Variants in SHISA9 observed in about 807,000 individuals in gnomAD.
The protein encoded by SHISA9 is shisa family member 9, also known as protein shisa-9.
In SHISA9, 13 loss-of-function variants were observed where a neutral mutation model predicts 38.0. The ratio of observed to expected loss-of-function variants is 0.34; its 90% CI spans 0.22 to 0.54. The LOEUF (loss-of-function observed/expected upper bound fraction) is 0.54. Ranked by LOEUF, SHISA9 falls within the 20% of genes least tolerant of loss-of-function variation. The probability of loss-of-function intolerance (pLI) is 0.91; values close to 1 mark genes in which losing one functional copy is unlikely to be tolerated. For missense variants in SHISA9, 538 were observed against 575.8 expected, an observed-to-expected ratio of 0.93 and a Z score of 0.67; for synonymous variants, 275 against 242.0, an observed-to-expected ratio of 1.14 and a Z score of -1.27.
chr16:13,510,978 G>A, the SHISA9 span, among the ~76,000 whole-genome samples: 11 of 152,216 alleles, frequency 7.2e-5, no homozygotes, highest in South Asian at 6.2e-4. Context: ...TGCTTAGGCC[G>A]ATTACCATTT....
chr16:13,333,898 G>T, the SHISA9 span, among the ~76,000 whole-genome samples: 1 of 152,186 alleles, frequency 6.6e-6, no homozygotes, highest in East Asian at 1.9e-4. Context: ...GGATAGCAAA[G>T]ACCTTGCTCT....
chr16:13,337,115 C>A, the SHISA9 span, among the ~76,000 whole-genome samples: 2 of 152,096 alleles, frequency 1.3e-5, no homozygotes, highest in African/African-American at 2.4e-5. Flanking sequence ...AGAGCCCATG[C>A]GCTTTGTCAA....
At chr16:13,434,397 C>T in the SHISA9 span, among the ~76,000 whole-genome samples, 2 of 141,048 alleles carry the variant, frequency 1.4e-5, no homozygotes, top group African/African-American at 2.6e-5. Flanking sequence ...TATTAACCAT[C>T]ACACTGTGTT....
At chr16:13,341,131 G>T in the SHISA9 span, among the ~76,000 whole-genome samples, 1 of 152,152 alleles carries the variant, frequency 6.6e-6, no homozygotes, top group African/African-American at 2.4e-5. Context: ...TGTATCCCCA[G>T]CACCTGGCAC....
At chr16:12,930,361 A>G (rs2141741622) in intron 2 of SHISA9, among the ~76,000 whole-genome samples, 1 of 152,346 alleles carries the variant, frequency 6.6e-6, no homozygotes, top group East Asian at 1.9e-4. Context: ...TGCCAAGTTG[A>G]GTATCAAGAG....
intron 2 of SHISA9, among the ~76,000 whole-genome samples, chr16:13,118,371 A>G (rs990029809): frequency 1.3e-5 from 2 of 152,140 alleles, no homozygotes; most frequent in Non-Finnish European, 2.9e-5. Flanking sequence ...CCTAAAGAGC[A>G]AGGAGGAATT....
intron 2 of SHISA9, among the ~76,000 whole-genome samples, chr16:13,048,312 A>G (rs1168579962): frequency 1.3e-5 from 2 of 152,224 alleles, no homozygotes; most frequent in African/African-American, 4.8e-5. Context: ...AGAACTTCTG[A>G]TCAGCATGAT....
intron 2 of SHISA9, among the ~76,000 whole-genome samples, chr16:13,096,074 G>C (rs1415505188): frequency 6.6e-6 from 1 of 152,184 alleles, no homozygotes; most frequent in South Asian, 2.1e-4. Context: ...GCTTCACTGG[G>C]TATTAGCTGG....
At chr16:12,941,764 T>C (rs1015988635) in intron 2 of SHISA9, among the ~76,000 whole-genome samples, 1 of 151,320 alleles carries the variant, frequency 6.6e-6, no homozygotes, top group East Asian at 1.9e-4. Flanking sequence ...GGCAGAAGAG[T>C]CGCTTGAACC....
At chr16:12,931,242 T>C (rs2071457759) in intron 2 of SHISA9, among the ~76,000 whole-genome samples, 1 of 152,226 alleles carries the variant, frequency 6.6e-6, no homozygotes. Flanking sequence ...GATCTTTGTG[T>C]GTTATTGAAG....
At chr16:12,919,146 A>T (rs773232690) in intron 2 of SHISA9, among the ~76,000 whole-genome samples, 6 of 151,164 alleles carry the variant, frequency 4.0e-5, no homozygotes, top group Non-Finnish European at 8.9e-5. Flanking sequence ...GGGTTTAAGA[A>T]GCCAAGCAGT....
chr16:13,027,963 A>G (rs1274377135), intron 2 of SHISA9, among the ~76,000 whole-genome samples: 1 of 150,182 alleles, frequency 6.7e-6, no homozygotes, highest in Non-Finnish European at 1.5e-5. Context: ...AAGAATGTAT[A>G]CTGAAAGAAG....
At chr16:13,224,722 A>T (rs2051262275) in intron 4 of SHISA9, among the ~76,000 whole-genome samples, 1 of 152,206 alleles carries the variant, frequency 6.6e-6, no homozygotes, top group Admixed American at 6.5e-5. Flanking sequence ...AGCTATGAAC[A>T]TATTAAAATA....
chr16:13,427,085 A>G, the SHISA9 span, among the ~76,000 whole-genome samples: 2 of 152,210 alleles, frequency 1.3e-5, no homozygotes, highest in Admixed American at 1.3e-4. Context: ...AACTTTCCTA[A>G]TTGGTATCTG....
chr16:13,397,582 A>G, the SHISA9 span, among the ~76,000 whole-genome samples: 1 of 152,078 alleles, frequency 6.6e-6, no homozygotes, highest in Non-Finnish European at 1.5e-5. Flanking sequence ...TTACAGGTGC[A>G]CGCCACCACA....
At chr16:13,132,352 A>G (rs1485534994) in intron 2 of SHISA9, among the ~76,000 whole-genome samples, 1 of 150,568 alleles carries the variant, frequency 6.6e-6, no homozygotes, top group East Asian at 1.9e-4. Context: ...TATTGCTGCT[A>G]ATATTATTAT....
At chr16:13,160,376 A>G (rs1390461437) in intron 2 of SHISA9, among the ~76,000 whole-genome samples, 1 of 152,136 alleles carries the variant, frequency 6.6e-6, no homozygotes, top group Non-Finnish European at 1.5e-5. Context: ...TCTGCCTGCT[A>G]TTGTGTCTAG....
chr16:13,376,197 A>C, the SHISA9 span, among the ~76,000 whole-genome samples: 4 of 152,254 alleles, frequency 2.6e-5, no homozygotes, highest in Non-Finnish European at 2.9e-5. Flanking sequence ...TAAGCACGTC[A>C]TATGGCTAAA....
chr16:13,451,896 G>A, the SHISA9 span, among the ~76,000 whole-genome samples: 1 of 152,172 alleles, frequency 6.6e-6, no homozygotes, highest in Admixed American at 6.5e-5. Flanking sequence ...ATTCTTCTCA[G>A]GGCTTCGGAT....
Sources: allele counts gnomAD v4.1 joint callset (sites outside exome capture counted in the v4.1 genomes callset), GRCh38; gene constraint gnomAD v4.1.1; transcripts MANE v1.5; gene names NCBI Gene and HGNC (gene_info 2026-07-23, HGNC 2026-07-21).